EPHA4: variants seen among roughly 807,000 people sequenced by gnomAD.
EPHA4 encodes the protein EPH receptor A4.
A neutral mutation model predicts 108.3 loss-of-function variants in EPHA4; 19 were observed. The ratio of observed to expected loss-of-function variants is 0.18; its 90% CI spans 0.12 to 0.26. The LOEUF is 0.26. Ranked by LOEUF, EPHA4 falls within the 10% of genes least tolerant of loss-of-function variation. The pLI is 1.00. For missense variants in EPHA4, 917 were observed against 1,254.0 expected, an observed-to-expected ratio of 0.73 and a Z score of 4.06; for synonymous variants, 449 against 455.5, an observed-to-expected ratio of 0.99 and a Z score of 0.18.
intron 5 of EPHA4, among the ~76,000 whole-genome samples, chr2:221,480,806 T>C (rs1032609613): frequency 6.6e-6 from 1 of 152,224 alleles, no homozygotes; most frequent in African/African-American, 2.4e-5. Flanking sequence ...GTCTTAACTT[T>C]TTATTTATTC....
chr2:221,561,830 G>A (rs1694475265), intron 3 of EPHA4, among the ~76,000 whole-genome samples: 1 of 152,206 alleles, frequency 6.6e-6, no homozygotes, highest in African/African-American at 2.4e-5. Flanking sequence ...ATGTGCTAAT[G>A]CTGAGAGTGA....
chr2:221,493,823 C>T (rs1460115022), intron 4 of EPHA4, among the ~76,000 whole-genome samples: 1 of 152,162 alleles, frequency 6.6e-6, no homozygotes, highest in Non-Finnish European at 1.5e-5. Context: ...ATAACGTAAA[C>T]CTGGAGAAAG....
At chr2:221,488,184 G>A (rs372295457) in intron 4 of EPHA4, among the ~76,000 whole-genome samples, 4 of 152,244 alleles carry the variant, frequency 2.6e-5, no homozygotes, top group South Asian at 4.1e-4. Context: ...ATAGGTGGCC[G>A]TTAAAATTGA....
At chr2:221,502,865 G>A (rs549519138) in intron 3 of EPHA4, among the ~76,000 whole-genome samples, 6 of 152,292 alleles carry the variant, frequency 3.9e-5, no homozygotes, top group Admixed American at 2.6e-4. Context: ...ATTTGCTTTC[G>A]TCTTTCACTG....
At chr2:221,556,605 CT>C (rs371629632) in intron 3 of EPHA4, among the ~76,000 whole-genome samples, 16 of 148,280 alleles carry the variant, frequency 1.1e-4, no homozygotes, top group African/African-American at 2.5e-4. Flanking sequence ...CCAGTCACTA[CT>C]TTTTTTTTTC....
At chr2:221,513,282 A>C (rs1692885331) in intron 3 of EPHA4, among the ~76,000 whole-genome samples, 2 of 152,248 alleles carry the variant, frequency 1.3e-5, no homozygotes, top group African/African-American at 4.8e-5. Flanking sequence ...TTTATTTAAA[A>C]GTAAAGGCAC....
At chr2:221,473,954 C>T (rs999873449) in intron 5 of EPHA4, among the ~76,000 whole-genome samples, 3 of 152,100 alleles carry the variant, frequency 2.0e-5, no homozygotes, top group African/African-American at 7.2e-5. Flanking sequence ...AATGAACATG[C>T]ATATATCTTT....
chr2:221,487,755 C>T (rs1334631799), intron 4 of EPHA4, among the ~76,000 whole-genome samples: 1 of 152,084 alleles, frequency 6.6e-6, no homozygotes, highest in Non-Finnish European at 1.5e-5. Context: ...CATAAACACC[C>T]TTCCTTCACG....
chr2:221,475,016 G>T (rs879514422), intron 5 of EPHA4, among the ~76,000 whole-genome samples: 1 of 152,006 alleles, frequency 6.6e-6, no homozygotes, highest in African/African-American at 2.4e-5. Context: ...GATTACAGGC[G>T]TGCACCACAA....
intron 5 of EPHA4, among the ~76,000 whole-genome samples, chr2:221,470,411 T>A (rs1453905344): frequency 3.3e-5 from 5 of 151,880 alleles, no homozygotes; most frequent in Non-Finnish European, 7.4e-5. Context: ...CTCATGTTTC[T>A]TATTGCCAGT....
chr2:221,421,531 T>C (rs940635207), intron 17 of EPHA4, among the ~76,000 whole-genome samples: 3 of 152,156 alleles, frequency 2.0e-5, no homozygotes, highest in Admixed American at 6.5e-5. Flanking sequence ...CTTCCACATA[T>C]CAAGAACTAA....
intron 3 of EPHA4, among the ~76,000 whole-genome samples, chr2:221,528,998 C>A (rs756828602): frequency 2.4e-4 from 37 of 151,870 alleles, no homozygotes; most frequent in Admixed American, 4.6e-4. Flanking sequence ...ACAACAACAA[C>A]AAAAAACTAC....
intron 4 of EPHA4, among the ~76,000 whole-genome samples, chr2:221,489,344 T>G (rs754116013): frequency 6.6e-6 from 1 of 152,244 alleles, no homozygotes; most frequent in Non-Finnish European, 1.5e-5. Flanking sequence ...AAAGTTCTAT[T>G]TCTCGTAACG....
chr2:221,530,912 C>T (rs983963128), intron 3 of EPHA4, among the ~76,000 whole-genome samples: 3 of 152,086 alleles, frequency 2.0e-5, no homozygotes, highest in Admixed American at 2.0e-4. Context: ...TCCAAGTACC[C>T]TGGAGGTCCT....
intron 14 of EPHA4, among the ~76,000 whole-genome samples, chr2:221,431,291 G>A (rs1690067739): frequency 6.6e-6 from 1 of 152,180 alleles, no homozygotes; most frequent in Admixed American, 6.5e-5. Context: ...ATAAGCAGTG[G>A]TTGAGCCATC....
intron 3 of EPHA4, among the ~76,000 whole-genome samples, chr2:221,528,182 G>GGTGAAA: frequency 6.6e-6 from 1 of 152,236 alleles, no homozygotes; most frequent in Admixed American, 6.5e-5. Context: ...AGTCTGATAA[G>GGTGAAA]CGTCTCTTAG....
intron 8 of EPHA4, among the ~76,000 whole-genome samples, chr2:221,453,917 C>T (rs1690864626): frequency 6.6e-6 from 1 of 152,164 alleles, no homozygotes. Flanking sequence ...TGGCTCATGC[C>T]TGTAATCCCA....
chr2:221,507,236 A>G (rs1166074393), intron 3 of EPHA4, among the ~76,000 whole-genome samples: 1 of 152,254 alleles, frequency 6.6e-6, no homozygotes, highest in African/African-American at 2.4e-5. Flanking sequence ...GTTTTGAATG[A>G]CAAAGCATAA....
rs977254277 is a variant in EPHA4, at chr2:221,501,031, G to A, written c.965C>T (p.Ser322Phe). The change falls in exon 4 of 18, where the codon TCT becomes TTT. Residue 322 changes from serine to phenylalanine, a missense_variant. Around this residue, in one of 3 missense-constraint regions of EPHA4, gnomAD observed 758 missense variants for 1,076.7 expected, o/e 0.70. Transcript: ENST00000281821. ...GFFRADNDAASMPCTRPPSAP... is the reference protein window; with the variant it reads ...GFFRADNDAAFMPCTRPPSAP... ...ATACAACTTACGGGTGCAGGGCATA[G>A]AGGCAGCATCGTTGTCAGCTCTGAA... 31 of 1,610,234 alleles carry A rather than the reference G, an allele frequency of 1.9e-5. No individual in the cohort carries two copies. The highest frequency in any genetic ancestry group is 2.6e-5 in the Non-Finnish European group (31 of 1,178,622).
Sources: gnomAD v4.1 joint callset for allele counts (sites outside exome capture counted in the v4.1 genomes callset) on GRCh38, gnomAD v4.1.1 for gene constraint, gnomAD v4.1.1 regional missense constraint, MANE v1.5 for transcripts, NCBI Gene and HGNC (gene_info 2026-07-23, HGNC 2026-07-21) for gene names.